ARHGEF10L: variants seen among roughly 807,000 people sequenced by gnomAD.
ARHGEF10L encodes the protein rho guanine nucleotide exchange factor 10-like protein.
Under a neutral mutation model 141.2 loss-of-function variants are expected in ARHGEF10L, and 69 were observed. The ratio of observed to expected loss-of-function variants is 0.49; its 90% CI spans 0.40 to 0.60. The LOEUF is 0.60. ARHGEF10L is among the 20% of genes least tolerant of loss of function. ARHGEF10L has a pLI of 0.00. For synonymous variants in ARHGEF10L, 711 were observed against 718.5 expected (o/e 0.99, Z 0.17); for missense variants, 1,482 against 1,734.3 (o/e 0.85, Z 2.58).
At chr1:17,589,225 G>A (rs2079325490) in intron 4 of ARHGEF10L, among the ~76,000 whole-genome samples, 1 of 152,160 alleles carries the variant, frequency 6.6e-6, no homozygotes, top group African/African-American at 2.4e-5. Context: ...CCTAATCAAG[G>A]CATTTGCTTT....
chr1:17,552,942 T>G (rs1321272806), intron 1 of ARHGEF10L, among the ~76,000 whole-genome samples: 2 of 152,196 alleles, frequency 1.3e-5, no homozygotes, highest in East Asian at 3.9e-4. Context: ...AGTCCCTTCC[T>G]TGGCAAATCA....
chr1:17,526,819 G>T, the ARHGEF10L span, among the ~76,000 whole-genome samples: 4 of 151,820 alleles, frequency 2.6e-5, no homozygotes, highest in Non-Finnish European at 5.9e-5. Context: ...CATGAGAATC[G>T]CTTGAGCCTG....
In ARHGEF10L at chr1:17,627,289, G is replaced by A. The variant is rs746470188; in HGVS notation, c.1411-41G>A. ...CTTTGCCCCAGGCTGGGGTAGAGTT[G>A]GTCATGGGTGGGCTGCTCAGTCTCT... On this transcript the variant is annotated intron_variant, in intron 14 of 28. Coordinates refer to ENST00000361221, the MANE Select transcript of ARHGEF10L (RefSeq NM_018125.4). This position sits in a 1 kb window ranked among gnomAD's most constrained non-coding sequence, Gnocchi z 4.0. The A allele has an allele frequency of 1.9e-6, 3 of 1,598,322 alleles. No individual in the cohort carries two copies. The highest frequency in any genetic ancestry group is 8.6e-7 in the Non-Finnish European group (1 of 1,169,068).
chr1:17,684,374 G>A (rs2064387690), intron 26 of ARHGEF10L, among the ~76,000 whole-genome samples: 1 of 152,192 alleles, frequency 6.6e-6, no homozygotes. Flanking sequence ...ATGGGCGGAG[G>A]GCTAGAGAGA....
At chr1:17,630,415 G>A (rs549671604) in intron 15 of ARHGEF10L, among the ~76,000 whole-genome samples, 14 of 152,328 alleles carry the variant, frequency 9.2e-5, no homozygotes, top group African/African-American at 2.6e-4. Flanking sequence ...CCCTTGGGGC[G>A]GGGGGCCCTG....
At chr1:17,638,953 A>G (rs936210408) in intron 20 of ARHGEF10L, among the ~76,000 whole-genome samples, 1 of 152,078 alleles carries the variant, frequency 6.6e-6, no homozygotes. Flanking sequence ...ATACTCAGAC[A>G]CTCTGCCATT....
intron 1 of ARHGEF10L, among the ~76,000 whole-genome samples, chr1:17,575,891 A>G (rs926640766): frequency 6.6e-6 from 1 of 152,186 alleles, no homozygotes; most frequent in Non-Finnish European, 1.5e-5. Flanking sequence ...TGGGCCCTGC[A>G]GAGGGCCTCT....
At chr1:17,687,275 T>A (rs2064686147) in intron 26 of ARHGEF10L, among the ~76,000 whole-genome samples, 1 of 152,202 alleles carries the variant, frequency 6.6e-6, no homozygotes, top group Admixed American at 6.5e-5. Context: ...CCTCACTCGG[T>A]GATATCATGC....
At chr1:17,666,992 A>C (rs1213557752) in intron 26 of ARHGEF10L, among the ~76,000 whole-genome samples, 3 of 151,980 alleles carry the variant, frequency 2.0e-5, no homozygotes, top group Non-Finnish European at 2.9e-5. Context: ...TCAAGCCAGG[A>C]AGGACATGTC....
At chr1:17,653,410 G>C (rs1191520898) in intron 22 of ARHGEF10L, among the ~76,000 whole-genome samples, 1 of 152,196 alleles carries the variant, frequency 6.6e-6, no homozygotes, top group African/African-American at 2.4e-5. Context: ...TCTTCGACCC[G>C]GCTCTGTTGA....
At chr1:17,633,162 G>T (rs1000413240) in intron 16 of ARHGEF10L, among the ~76,000 whole-genome samples, 3 of 152,198 alleles carry the variant, frequency 2.0e-5, no homozygotes, top group African/African-American at 7.2e-5. Context: ...ACGTGGGCCT[G>T]GCACTGGGGC....
intron 26 of ARHGEF10L, among the ~76,000 whole-genome samples, chr1:17,679,931 G>A (rs1360054170): frequency 6.6e-6 from 1 of 152,214 alleles, no homozygotes; most frequent in Non-Finnish European, 1.5e-5. Flanking sequence ...CAGCTCGGTG[G>A]TGACTGGGCC....
chr1:17,670,552 A>G (rs987899320), intron 26 of ARHGEF10L, among the ~76,000 whole-genome samples: 5 of 152,244 alleles, frequency 3.3e-5, no homozygotes, highest in Admixed American at 6.5e-5. Context: ...GGCTGATAGC[A>G]GGCCTGCGGC....
Position 17,571,519 on chromosome 1 carries a change from C to T in ARHGEF10L, c.-43-9034C>T, listed in dbSNP as rs952612281. ...TGGGATCAGATGAGCAGTAATGCAG[C>T]GTATTTATTCATTTATTTATTATGA... On this transcript the variant is annotated intron_variant, in intron 1 of 28. Coordinates refer to ENST00000361221, the MANE Select transcript of ARHGEF10L (RefSeq NM_018125.4). Among the ~76,000 whole-genome samples, 146 of 152,018 alleles carry T rather than the reference C, an allele frequency of 9.6e-4. 1 individual carries two copies. Among genetic ancestry groups the T allele is most frequent in the African/African-American group, 3.4e-3 (139 of 41,480 alleles).
chr1:17,679,048 A>C (rs138070624), intron 26 of ARHGEF10L, among the ~76,000 whole-genome samples: 2,061 of 152,320 alleles, frequency 0.014, 21 homozygotes, highest in Middle Eastern at 0.024. Flanking sequence ...GGGTCTGGCC[A>C]CCAGTCTTGG....
intron 22 of ARHGEF10L, among the ~76,000 whole-genome samples, chr1:17,649,927 C>T (rs1415528121): frequency 3.9e-5 from 6 of 152,126 alleles, no homozygotes; most frequent in South Asian, 2.1e-4. Context: ...GGGCGGGCCC[C>T]GAGGTTCGCT....
intron 26 of ARHGEF10L, among the ~76,000 whole-genome samples, chr1:17,679,279 A>T (rs1295556567): frequency 6.6e-6 from 1 of 152,198 alleles, no homozygotes; most frequent in African/African-American, 2.4e-5. Flanking sequence ...GGCAGGGCAG[A>T]TCTGCTCCTG....
At position 17,627,806 on chromosome 1, in the gene ARHGEF10L, T is replaced by A. The variant is rs2060467657; in HGVS notation, c.1584+303T>A. On this transcript the variant is annotated intron_variant, in intron 15 of 28. Transcript: ENST00000361221. This position sits in a 1 kb window ranked among gnomAD's most constrained non-coding sequence, Gnocchi z 4.0. Reference sequence around the variant, plus strand: ...TGGAGAGTCAGAATCTGGGTTTAGATCCAGATTTTGCCATAGGTGCTTGCT... The same window carrying A: ...TGGAGAGTCAGAATCTGGGTTTAGAACCAGATTTTGCCATAGGTGCTTGCT... 6.6e-6 allele frequency among the ~76,000 whole-genome samples: 1 copy of A among 152,130 alleles called. No individual in the cohort carries two copies. Among genetic ancestry groups the A allele is most frequent in the Admixed American group, 6.5e-5 (1 of 15,276 alleles).
the ARHGEF10L span, among the ~76,000 whole-genome samples, chr1:17,529,765 G>A: frequency 6.6e-6 from 1 of 152,098 alleles, no homozygotes; most frequent in Non-Finnish European, 1.5e-5. Context: ...GAATGATCAG[G>A]GGGTCCCTGG....
Sources: allele counts gnomAD v4.1 joint callset (sites outside exome capture counted in the v4.1 genomes callset), GRCh38; gene constraint gnomAD v4.1.1; non-coding constraint Gnocchi (gnomAD v3.1); transcripts MANE v1.5; gene names NCBI Gene and HGNC (gene_info 2026-07-23, HGNC 2026-07-21).